The following PHACTR4 variants were observed in gnomAD, a reference collection of about 807,000 sequenced individuals.
The protein encoded by PHACTR4 is protein phosphatase 1, regulatory subunit 124.
PHACTR4 carries 51 observed loss-of-function variants against 72.7 expected under a neutral mutation model. The observed-to-expected ratio is 0.70, with a 90% confidence interval of 0.56 to 0.89. The LOEUF (loss-of-function observed/expected upper bound fraction) is 0.89. Ranked by LOEUF, PHACTR4 falls within the 40% of genes least tolerant of loss-of-function variation. PHACTR4 has a pLI of 0.00. For missense variants in PHACTR4, 731 were observed against 861.8 expected, an observed-to-expected ratio of 0.85 and a Z score of 1.90; for synonymous variants, 255 against 302.5, an observed-to-expected ratio of 0.84 and a Z score of 1.63.
chr1:28,376,069 CAAAA>C (rs1412821579), intron 1 of PHACTR4, among the ~76,000 whole-genome samples: 6 of 125,766 alleles, frequency 4.8e-5, no homozygotes, highest in African/African-American at 2.3e-4. Context: ...AACTCCATCT[CAAAA>C]AAACAAACAA....
rs779374767 is a variant in PHACTR4, at chr1:28,473,780, T to C, written c.1050T>C (p.His350=). 1.1e-5 allele frequency: 18 copies of C among 1,613,980 alleles called. 1 individual carries two copies. In the Middle Eastern group the frequency reaches 4.9e-4, roughly 44 times the overall value. ...CTCCGTCCCCCCCACTGCCTACTCA[T>C]ATACCTCCAGAGCCTCCACGCACCC... is the stretch of plus-strand genomic sequence containing the variant. ...PRSPSPPLPT[H]IPPEPPRTPP... Residue 350 remains histidine (H), a synonymous_variant, in exon 7 of 14, where the codon CAT becomes CAC. Coordinates refer to ENST00000373839, the MANE Select transcript of PHACTR4 (RefSeq NM_001048183.3).
chr1:28,369,930 T>C, intron 1 of PHACTR4, 105 bp downstream of exon 1: 1 of 379,476 alleles, frequency 2.6e-6, no homozygotes, highest in South Asian at 1.9e-5. Context: ...AGGGTCCCGG[T>C]CCGGGCAGAA....
chr1:28,449,813 T>A (rs1657806370), intron 2 of PHACTR4, among the ~76,000 whole-genome samples: 1 of 151,382 alleles, frequency 6.6e-6, no homozygotes, highest in Non-Finnish European at 1.5e-5. Flanking sequence ...GATCGTGCCA[T>A]TGCCCTCCAG....
chr1:28,493,090 C>A lies in PHACTR4; in HGVS notation c.2092C>A (p.Arg698Ser). Residue 698 changes from arginine (R) to serine (S), a missense_variant and splice_region_variant, in exon 13 of 14, where the codon CGC becomes AGC. Transcript: ENST00000373839. The stretch of plus-strand genomic sequence containing the variant: ...TCATGAAGAGAGCAAACATTTTACA[C>A]GGTAAGACCCAAAAGACCCAATCAT... ...EVHEESKHFT[R>S]YHRP The A allele has an allele frequency of 6.2e-7, 1 of 1,610,054 alleles. No individual in the cohort carries two copies. Among genetic ancestry groups the A allele is most frequent in the Non-Finnish European group, 8.5e-7 (1 of 1,176,398 alleles).
chr1:28,426,623 C>T (rs1655872643), intron 2 of PHACTR4, among the ~76,000 whole-genome samples: 1 of 151,776 alleles, frequency 6.6e-6, no homozygotes, highest in African/African-American at 2.4e-5. Flanking sequence ...GAGATTGCAC[C>T]ACTGCACTCC....
rs140061252 is a variant in PHACTR4 at position 28,393,288 on chromosome 1, C to T, written c.-38-14122C>T. Among the ~76,000 whole-genome samples, 12 of 152,292 alleles carry T rather than the reference C, an allele frequency of 7.9e-5. No homozygotes were observed. In the East Asian group the frequency reaches 2.1e-3, roughly 27 times the overall value. Reference sequence around the variant, plus strand: ...AGAGATAGGACTTCTGGGACAACATCTTTATATACTTGGGAGAAGGGTTCA... The same window carrying T: ...AGAGATAGGACTTCTGGGACAACATTTTTATATACTTGGGAGAAGGGTTCA... On this transcript the variant is annotated intron_variant, in intron 1 of 13. Coordinates refer to ENST00000373839, the MANE Select transcript of PHACTR4 (RefSeq NM_001048183.3).
At chr1:28,372,368 G>A (rs1406972395) in intron 1 of PHACTR4, among the ~76,000 whole-genome samples, 2 of 152,062 alleles carry the variant, frequency 1.3e-5, no homozygotes, top group Non-Finnish European at 2.9e-5. Context: ...CCTTCACCCT[G>A]TATTACTTTG....
intron 2 of PHACTR4, among the ~76,000 whole-genome samples, chr1:28,427,966 A>G (rs987115257): frequency 6.6e-6 from 1 of 152,212 alleles, no homozygotes; most frequent in East Asian, 1.9e-4. Context: ...TATGGTCACT[A>G]CCCTTTCCAT....
intron 1 of PHACTR4, among the ~76,000 whole-genome samples, chr1:28,374,918 C>G (rs1322355557): frequency 6.6e-6 from 1 of 152,192 alleles, no homozygotes; most frequent in Non-Finnish European, 1.5e-5. Context: ...CTCTTCCTAT[C>G]TTGTGGATTG....
chr1:28,424,390 C>G (rs1429727027), intron 2 of PHACTR4, among the ~76,000 whole-genome samples: 2 of 152,084 alleles, frequency 1.3e-5, no homozygotes, highest in Admixed American at 6.6e-5. Context: ...CTCTGGAGCT[C>G]AAGCAATCTT....
intron 2 of PHACTR4, among the ~76,000 whole-genome samples, chr1:28,455,062 G>A (rs1313765027): frequency 6.6e-6 from 1 of 151,738 alleles, no homozygotes; most frequent in Non-Finnish European, 1.5e-5. Flanking sequence ...TAGAGACAGG[G>A]TTTCCTCATG....
chr1:28,436,031 T>C (rs1292393834), intron 2 of PHACTR4, among the ~76,000 whole-genome samples: 1 of 152,226 alleles, frequency 6.6e-6, no homozygotes, highest in African/African-American at 2.4e-5. Context: ...AATGTTTCTG[T>C]ACTTTTTTCC....
intron 2 of PHACTR4, among the ~76,000 whole-genome samples, chr1:28,445,005 G>A (rs1657346654): frequency 6.6e-6 from 1 of 151,410 alleles, no homozygotes; most frequent in African/African-American, 2.4e-5. Context: ...TGCCCAGGCG[G>A]AGTGCAGTGG....
At chr1:28,458,449 A>G (rs1238866384) in intron 2 of PHACTR4, among the ~76,000 whole-genome samples, 2 of 152,088 alleles carry the variant, frequency 1.3e-5, no homozygotes, top group Non-Finnish European at 2.9e-5. Context: ...TGCTCAGCCT[A>G]TGATTGTCTC....
intron 2 of PHACTR4, chr1:28,453,883 A>G (rs1658165348): frequency 1.2e-6 from 1 of 846,650 alleles, no homozygotes; most frequent in African/African-American, 1.7e-5. Flanking sequence ...TCAGGACCAA[A>G]AGAAGAGGAC....
At chr1:28,434,496 A>G (rs1274648978) in intron 2 of PHACTR4, among the ~76,000 whole-genome samples, 1 of 151,692 alleles carries the variant, frequency 6.6e-6, no homozygotes, top group Admixed American at 6.6e-5. Flanking sequence ...TAATTTTTGT[A>G]TTTTTAGTAG....
intron 2 of PHACTR4, among the ~76,000 whole-genome samples, chr1:28,418,270 C>T (rs902748729): frequency 2.0e-5 from 3 of 151,670 alleles, no homozygotes; most frequent in Non-Finnish European, 2.9e-5. Context: ...TGAGACCACA[C>T]TGCCCAACAT....
chr1:28,494,951 A>G (rs1025428697), intron 13 of PHACTR4, among the ~76,000 whole-genome samples: 3 of 152,230 alleles, frequency 2.0e-5, no homozygotes, highest in Non-Finnish European at 2.9e-5. Context: ...GAAGTATCTG[A>G]AATAATCTTA....
intron 4 of PHACTR4, among the ~76,000 whole-genome samples, chr1:28,464,908 TAGAC>T (rs1472834668): frequency 3.3e-5 from 5 of 152,002 alleles, no homozygotes; most frequent in African/African-American, 1.2e-4. Flanking sequence ...TTTACCATGT[TAGAC>T]AGGCTGGTCT....
Sources: gnomAD v4.1 joint callset for allele counts (sites outside exome capture counted in the v4.1 genomes callset) on GRCh38, gnomAD v4.1.1 for gene constraint, MANE v1.5 for transcripts, NCBI Gene and HGNC (gene_info 2026-07-23, HGNC 2026-07-21) for gene names.